The following RBPMS variants were observed in gnomAD, a reference collection of about 807,000 sequenced individuals.
The protein encoded by RBPMS is RNA binding protein, mRNA processing factor.
In RBPMS, 7 loss-of-function variants were observed where a neutral mutation model predicts 26.8. The observed-to-expected ratio is 0.26, with a 90% CI of 0.15 to 0.49. The LOEUF is 0.49. Ranked by LOEUF, RBPMS falls within the 20% of genes least tolerant of loss-of-function variation. The pLI, the probability that RBPMS is intolerant of heterozygous loss-of-function variation, is 0.98. For synonymous variants in RBPMS, 96 were observed against 93.3 expected (o/e 1.03, Z -0.17); for missense variants, 186 against 250.0 (o/e 0.74, Z 1.73).
At chr8:30,567,471 C>T (rs1254142085) in intron 8 of RBPMS, among the ~76,000 whole-genome samples, 4 of 152,208 alleles carry the variant, frequency 2.6e-5, no homozygotes, top group Non-Finnish European at 5.9e-5. Context: ...CCCACTAGGC[C>T]CACGGCCTTC....
intron 6 of RBPMS, among the ~76,000 whole-genome samples, chr8:30,549,793 T>TCTCTCTCTCTCTCCCC (rs1464873852): frequency 9.1e-6 from 1 of 109,368 alleles, no homozygotes; most frequent in African/African-American, 4.1e-5. Context: ...TCTCTCTCTC[T>TCTCTCTCTCTCTCCCC]CTCCCCTCTC....
At chr8:30,427,417 C>T (rs1275949673) in intron 1 of RBPMS, among the ~76,000 whole-genome samples, 1 of 152,230 alleles carries the variant, frequency 6.6e-6, no homozygotes, top group African/African-American at 2.4e-5. Flanking sequence ...CCTCACCTCA[C>T]ACTGAGTTCA....
rs370533788 is a variant in RBPMS, at chr8:30,566,391, CAG to C, written c.*111+32_*111+33del. 1.3e-5 allele frequency: 10 copies of C among 783,924 alleles called. No homozygotes were observed. In the African/African-American group the frequency reaches 1.3e-4, roughly 10 times the overall value. The allele number at this position is 783,924 out of a possible 1,614,324, so 48.6% of individuals were successfully genotyped here. A position where few individuals can be genotyped will look rare whatever the true frequency, so the allele number is the denominator to read the frequency against. On this transcript the variant is annotated intron_variant, in intron 8 of 8. Coordinates refer to ENST00000397323, the MANE Select transcript of RBPMS (RefSeq NM_001008710.3). ...TAACAGTCAGGGCTGAACAAGCCCT[CAG>C]GGGCGGCATGGCGAACACGTGGGAA... is the stretch of plus-strand genomic sequence containing the variant.
At chr8:30,556,887 C>T (rs1404056274) in intron 6 of RBPMS, 4 of 455,980 alleles carry the variant, frequency 8.8e-6, no homozygotes, top group African/African-American at 2.1e-5. Context: ...TACCTCACCC[C>T]CATCTTCCCC....
intron 1 of RBPMS, among the ~76,000 whole-genome samples, chr8:30,421,628 G>C (rs988828037): frequency 2.6e-5 from 4 of 152,074 alleles, no homozygotes; most frequent in African/African-American, 9.7e-5. Context: ...ATGTTTTATG[G>C]GTTAGGTGGA....
Position 30,386,912 on chromosome 8 carries a change from C to A in RBPMS, c.66+1754C>A, listed in dbSNP as rs79761089. ...GAGGTTCAATGTCCTAAAAATCATA[C>A]CCACATTAAAATTAAGTATAGAAAA... is the stretch of plus-strand genomic sequence containing the variant. On this transcript the variant is annotated intron_variant, in intron 1 of 8. Coordinates refer to ENST00000397323, the MANE Select transcript of RBPMS (RefSeq NM_001008710.3). 6.9e-4 allele frequency among the ~76,000 whole-genome samples: 105 copies of A among 151,970 alleles called. 2 individuals carry two copies. In the East Asian group the frequency reaches 0.015, roughly 22 times the overall value.
chr8:30,450,787 C>CAAAAAAAAACAAAAAA (rs1814481764), intron 1 of RBPMS, among the ~76,000 whole-genome samples: 1 of 87,384 alleles, frequency 1.1e-5, no homozygotes, highest in Non-Finnish European at 2.2e-5. Context: ...TGCCTGAAAG[C>CAAAAAAAAACAAAAAA]AAAAAAAAAA....
At chr8:30,412,429 T>G (rs1223508914) in intron 1 of RBPMS, among the ~76,000 whole-genome samples, 1 of 152,190 alleles carries the variant, frequency 6.6e-6, no homozygotes, top group Non-Finnish European at 1.5e-5. Flanking sequence ...GTTTCTTATT[T>G]TAATAGGAAT....
intron 5 of RBPMS, among the ~76,000 whole-genome samples, chr8:30,540,732 C>T (rs1825301082): frequency 6.6e-6 from 1 of 152,186 alleles, no homozygotes; most frequent in Non-Finnish European, 1.5e-5. Flanking sequence ...CGCAGCCAAA[C>T]TGTGTATTTT....
chr8:30,568,904 C>G (rs968095933), intron 8 of RBPMS, among the ~76,000 whole-genome samples: 1 of 151,960 alleles, frequency 6.6e-6, no homozygotes, highest in Non-Finnish European at 1.5e-5. Flanking sequence ...GCAAGGATCC[C>G]ATTTACATGG....
intron 4 of RBPMS, among the ~76,000 whole-genome samples, chr8:30,481,461 C>A (rs1471921497): frequency 6.6e-6 from 1 of 152,116 alleles, no homozygotes; most frequent in Non-Finnish European, 1.5e-5. Flanking sequence ...ACCCTGTTTG[C>A]CCCTGTGCCA....
chr8:30,490,101 C>T (rs1346615283), intron 4 of RBPMS, among the ~76,000 whole-genome samples: 8 of 152,314 alleles, frequency 5.3e-5, no homozygotes. Context: ...CGAGAGCCAC[C>T]ACGCCCAGCC....
chr8:30,528,185 A>G (rs1362956365), intron 5 of RBPMS, among the ~76,000 whole-genome samples: 1 of 152,242 alleles, frequency 6.6e-6, no homozygotes, highest in East Asian at 1.9e-4. Context: ...CAAAAAAAAA[A>G]AAAAAAGATA....
chr8:30,506,867 A>C (rs1291549139), intron 5 of RBPMS, among the ~76,000 whole-genome samples: 1 of 152,198 alleles, frequency 6.6e-6, no homozygotes, highest in African/African-American at 2.4e-5. Context: ...ATTCTCCATA[A>C]ATATATGAAC....
At chr8:30,425,321 CGT>C (rs1436794267) in intron 1 of RBPMS, among the ~76,000 whole-genome samples, 1 of 152,038 alleles carries the variant, frequency 6.6e-6, no homozygotes, top group Non-Finnish European at 1.5e-5. Context: ...TATATTGAAA[CGT>C]ATATATAGCA....
chr8:30,537,753 T>C (rs151222334), intron 5 of RBPMS: 77 of 417,658 alleles, frequency 1.8e-4, no homozygotes, highest in African/African-American at 1.3e-3. Context: ...ATGTCTCCCA[T>C]GAGGATGATT....
In RBPMS at chr8:30,450,969, CA is replaced by C. The variant is rs1028169095; in HGVS notation, c.67-23804del. 1.3e-4 allele frequency among the ~76,000 whole-genome samples: 19 copies of C among 151,440 alleles called. 2 individuals carry two copies. Among genetic ancestry groups the C allele is most frequent in the African/African-American group, 4.4e-4 (18 of 40,954 alleles). On this transcript the variant is annotated intron_variant, in intron 1 of 8. Coordinates refer to ENST00000397323, the MANE Select transcript of RBPMS (RefSeq NM_001008710.3). ...GTATATTAAAATGAGTAAAAAATAT[CA>C]AAAAATATGGTGACTAGCCAGTATC... is the stretch of plus-strand genomic sequence containing the variant.
rs1477689017 is a variant in RBPMS, at chr8:30,571,748, C to T, written c.*1223C>T. The T allele has an allele frequency of 6.6e-6, 1 of 152,274 alleles. No individual in the cohort carries two copies. Among genetic ancestry groups the T allele is most frequent in the Non-Finnish European group, 1.5e-5 (1 of 68,050 alleles). The allele number at this position is 152,274 out of a possible 1,614,324, so 9.4% of individuals were successfully genotyped here. A position where few individuals can be genotyped will look rare whatever the true frequency, so the allele number is the denominator to read the frequency against. ...CAATTCTATTCAGACTTCGTCAAAG[C>T]CAAAGTCAGTCTGGTGTTGTCAGTT... On this transcript the variant is annotated 3_prime_UTR_variant, in exon 9 of 9. Transcript: ENST00000397323.
intron 5 of RBPMS, among the ~76,000 whole-genome samples, chr8:30,529,728 T>C (rs1478984595): frequency 1.3e-5 from 2 of 152,008 alleles, no homozygotes; most frequent in African/African-American, 4.8e-5. Flanking sequence ...TCATCCATGT[T>C]GTAGCATATA....
Sources: gnomAD v4.1 joint callset for allele counts (sites outside exome capture counted in the v4.1 genomes callset) on GRCh38, gnomAD v4.1.1 for gene constraint, MANE v1.5 for transcripts, NCBI Gene and HGNC (gene_info 2026-07-23, HGNC 2026-07-21) for gene names.